Variants in CCDC178 observed in about 807,000 individuals in gnomAD.
CCDC178 encodes the protein coiled-coil domain containing 178.
A neutral mutation model predicts 117.4 loss-of-function variants in CCDC178; 126 were observed. That is an observed-to-expected ratio of 1.07 (90% CI 0.93 to 1.24). The LOEUF (loss-of-function observed/expected upper bound fraction) is 1.24. Among genes scored for constraint, CCDC178 ranks in the 50% most tolerant of loss-of-function variants. The pLI, the probability that CCDC178 is intolerant of heterozygous loss-of-function variation, is 0.00. For missense variants in CCDC178, 1,030 were observed against 986.9 expected (o/e 1.04, Z -0.59); for synonymous variants, 283 against 313.4 (o/e 0.90, Z 1.02).
intron 20 of CCDC178, among the ~76,000 whole-genome samples, chr18:33,130,917 A>G (rs1474938731): frequency 6.6e-6 from 1 of 151,926 alleles, no homozygotes; most frequent in African/African-American, 2.4e-5. Flanking sequence ...GGCTGTCAGC[A>G]AATTAGAGCA....
chr18:33,323,502 T>C lies in CCDC178; in HGVS notation c.1011A>G (p.Ile337Met). 2 of 1,523,096 alleles carry C rather than the reference T, an allele frequency of 1.3e-6. No individual in the cohort carries two copies. The highest frequency in any genetic ancestry group is 4.3e-5 in the Admixed American group (2 of 46,606). The allele number at this position is 1,523,096 out of a possible 1,614,324, so 94.3% of individuals were successfully genotyped here. A position where few individuals can be genotyped will look rare whatever the true frequency, so the allele number is the denominator to read the frequency against. The change falls in exon 11 of 23, where the codon ATA (isoleucine) becomes ATG (methionine). Residue 337 changes from isoleucine to methionine, a missense_variant. By Grantham distance (10) the Ile-to-Met change is conservative. Transcript: ENST00000383096. ...DKDIYQDEKT[I>M]EAYKREIYQL... ...CGAAAAATTCTTACTTGTAGGCCTC[T>C]ATGGTTTTTTCATCCTGGTAAATAT...
At chr18:33,214,181 G>A (rs2059138784) in intron 19 of CCDC178, among the ~76,000 whole-genome samples, 1 of 151,986 alleles carries the variant, frequency 6.6e-6, no homozygotes, top group Admixed American at 6.6e-5. Context: ...CATTGGAAAT[G>A]ATACAATTTA....
At chr18:32,995,537 A>C (rs2055484726) in intron 21 of CCDC178, among the ~76,000 whole-genome samples, 1 of 152,142 alleles carries the variant, frequency 6.6e-6, no homozygotes, top group Non-Finnish European at 1.5e-5. Context: ...AAAATAAACA[A>C]CTGTGTATTG....
intron 18 of CCDC178, among the ~76,000 whole-genome samples, chr18:33,220,884 C>T (rs2059224657): frequency 6.6e-6 from 1 of 152,174 alleles, no homozygotes. Context: ...CTTATGACTC[C>T]TAATTCCCAA....
At chr18:32,989,928 CT>C (rs1348926406) in intron 21 of CCDC178, among the ~76,000 whole-genome samples, 1 of 151,996 alleles carries the variant, frequency 6.6e-6, no homozygotes, top group Admixed American at 6.6e-5. Flanking sequence ...TAATGAGAAA[CT>C]TTTGACAAAG....
chr18:33,067,359 C>T (rs542648701), intron 21 of CCDC178, among the ~76,000 whole-genome samples: 17 of 151,862 alleles, frequency 1.1e-4, no homozygotes, highest in Non-Finnish European at 2.2e-4. Flanking sequence ...AAAAGCAGTG[C>T]TAAGAGGGAA....
chr18:33,329,234 A>G (rs1949677631), intron 10 of CCDC178, among the ~76,000 whole-genome samples: 1 of 152,170 alleles, frequency 6.6e-6, no homozygotes, highest in South Asian at 2.1e-4. Context: ...GCCCTCTGAT[A>G]ATAAAGAAAA....
intron 14 of CCDC178, among the ~76,000 whole-genome samples, chr18:33,257,826 C>T (rs28403030): frequency 3.5e-4 from 53 of 152,140 alleles, no homozygotes; most frequent in African/African-American, 1.2e-3. Context: ...ACCAATGTAC[C>T]TAATTGTTAC....
intron 2 of CCDC178, among the ~76,000 whole-genome samples, chr18:33,418,467 C>G (rs906928545): frequency 1.3e-5 from 2 of 152,108 alleles, no homozygotes; most frequent in Non-Finnish European, 2.9e-5. Flanking sequence ...TTCTATTCAA[C>G]ATAGTACTGG....
intron 22 of CCDC178, among the ~76,000 whole-genome samples, chr18:32,952,772 CT>C (rs112669320): frequency 0.18 from 22,932 of 129,846 alleles, 1,373 homozygotes; most frequent in East Asian, 0.36. Flanking sequence ...ATTTTATAAA[CT>C]TTTTTTTTTT....
chr18:33,342,689 G>A (rs1008425986), intron 9 of CCDC178, among the ~76,000 whole-genome samples: 7 of 152,148 alleles, frequency 4.6e-5, no homozygotes, highest in Non-Finnish European at 8.8e-5. Context: ...ATACAGCCTT[G>A]AGCCAGCGCA....
intron 20 of CCDC178, among the ~76,000 whole-genome samples, chr18:33,135,606 T>C (rs759128667): frequency 6.6e-6 from 1 of 152,226 alleles, no homozygotes; most frequent in Admixed American, 6.5e-5. Context: ...CTAGTCTGTT[T>C]CTTTAATGTG....
intron 3 of CCDC178, among the ~76,000 whole-genome samples, chr18:33,406,380 T>C (rs776027755): frequency 2.0e-5 from 3 of 152,036 alleles, no homozygotes; most frequent in Non-Finnish European, 4.4e-5. Context: ...TCTGACAACA[T>C]AGAATTCTGA....
chr18:33,228,598 C>G (rs2059335348), intron 15 of CCDC178, among the ~76,000 whole-genome samples: 1 of 152,258 alleles, frequency 6.6e-6, no homozygotes, highest in Admixed American at 6.5e-5. Flanking sequence ...AATTTGTACA[C>G]TGCATGGGCA....
At chr18:33,153,896 G>A (rs1219420119) in intron 20 of CCDC178, among the ~76,000 whole-genome samples, 1 of 151,750 alleles carries the variant, frequency 6.6e-6, no homozygotes, top group African/African-American at 2.4e-5. Flanking sequence ...AAGTTACATG[G>A]AAAGATGATT....
intron 21 of CCDC178, among the ~76,000 whole-genome samples, chr18:33,066,490 T>C (rs964351042): frequency 6.6e-6 from 1 of 152,010 alleles, no homozygotes; most frequent in Non-Finnish European, 1.5e-5. Flanking sequence ...TAGCAATAAG[T>C]CCCCATGTAT....
intron 12 of CCDC178, among the ~76,000 whole-genome samples, chr18:33,283,634 G>A (rs2060052189): frequency 6.6e-6 from 1 of 152,216 alleles, no homozygotes; most frequent in East Asian, 1.9e-4. Context: ...AAGCTTACAT[G>A]TGTCTAAGCA....
At chr18:33,361,515 G>A (rs1400207344) in intron 6 of CCDC178, among the ~76,000 whole-genome samples, 2 of 151,292 alleles carry the variant, frequency 1.3e-5, no homozygotes, top group African/African-American at 4.8e-5. Context: ...AAAAAAAAAT[G>A]AAAAGTCCAG....
chr18:33,180,075 A>C (rs1217842138), intron 20 of CCDC178, among the ~76,000 whole-genome samples: 1 of 152,000 alleles, frequency 6.6e-6, no homozygotes, highest in Non-Finnish European at 1.5e-5. Context: ...CTTGAAAATA[A>C]ACGTACATTA....
Sources: allele counts gnomAD v4.1 joint callset (sites outside exome capture counted in the v4.1 genomes callset), GRCh38; gene constraint gnomAD v4.1.1; transcripts MANE v1.5; gene names NCBI Gene and HGNC (gene_info 2026-07-23, HGNC 2026-07-21).